Variants in MYPN observed in about 807,000 individuals in gnomAD.
MYPN encodes the protein myopalladin, also known as sarcomeric protein myopalladin, 145 kDa (MYOP).
Under a neutral mutation model 129.4 loss-of-function variants are expected in MYPN, and 63 were observed. The ratio of observed to expected loss-of-function variants is 0.49; its 90% CI spans 0.40 to 0.60. MYPN has a LOEUF of 0.60. Ranked by LOEUF, MYPN falls within the 20% of genes least tolerant of loss-of-function variation. The pLI is 0.00. For missense variants in MYPN, 1,596 were observed against 1,635.4 expected (o/e 0.98, Z 0.42); for synonymous variants, 629 against 600.9 (o/e 1.05, Z -0.68).
chr10:68,123,287 G>C (rs1005743900), intron 2 of MYPN, among the ~76,000 whole-genome samples: 7 of 152,136 alleles, frequency 4.6e-5, no homozygotes, highest in Admixed American at 2.0e-4. Flanking sequence ...CTTAGGCAGA[G>C]AGAATTTCTT....
chr10:68,150,221 G>A, intron 6 of MYPN, 110 bp downstream of exon 6: 1 of 941,392 alleles, frequency 1.1e-6, no homozygotes, highest in South Asian at 1.4e-5. Context: ...TCTTCTGTAT[G>A]TACGGTATAG....
At position 68,182,469 on chromosome 10, in the gene MYPN, T is replaced by C. The variant is rs1298878847; in HGVS notation, c.2704-6436T>C. On this transcript the variant is annotated intron_variant, in intron 12 of 19. Transcript: ENST00000358913. Reference sequence around the variant, plus strand: ...ATATATAACATATATATATAACATATATACACACACACACACACACACACA... The same window carrying C: ...ATATATAACATATATATATAACATACATACACACACACACACACACACACA... Among the ~76,000 whole-genome samples, 336 of 111,966 alleles carry C rather than the reference T, an allele frequency of 3.0e-3. 2 individuals are homozygous for C. Among genetic ancestry groups the C allele is most frequent in the Middle Eastern group, 0.024 (4 of 168 alleles). 73.5% of individuals were successfully genotyped at this position (111,966 alleles called of 152,430 possible).
intron 6 of MYPN, among the ~76,000 whole-genome samples, chr10:68,156,419 T>G (rs2042874837): frequency 6.6e-6 from 1 of 152,218 alleles, no homozygotes; most frequent in African/African-American, 2.4e-5. Context: ...AGTAGATGTT[T>G]CGGGAAGACA....
In MYPN at chr10:68,194,375, A is replaced by C. The variant is rs1214938786; in HGVS notation, c.2938A>C (p.Lys980Gln). The change falls in exon 14 of 20, where the codon AAA becomes CAA. Residue 980 changes from lysine to glutamine, a missense_variant. Lys to Gln is a moderately conservative substitution (Grantham distance 53). Coordinates refer to ENST00000358913, the MANE Select transcript of MYPN (RefSeq NM_032578.4). ...TTTTTCATTTCAGGTTTACTGGTTCAAAGATGGGAAGCAGATTTCTAAGAG... is the reference window on the plus strand; with the variant it reads ...TTTTTCATTTCAGGTTTACTGGTTCCAAGATGGGAAGCAGATTTCTAAGAG... ...GIPVPKVYWF[K>Q]DGKQISKRNE... The C allele has an allele frequency of 6.2e-7, 1 of 1,613,528 alleles. No homozygotes were observed. The highest frequency in any genetic ancestry group is 1.3e-5 in the African/African-American group (1 of 74,908).
At chr10:68,176,527 T>C (rs2043229568) in intron 12 of MYPN, among the ~76,000 whole-genome samples, 1 of 152,208 alleles carries the variant, frequency 6.6e-6, no homozygotes, top group Admixed American at 6.5e-5. Context: ...TGTCTCTTAC[T>C]TCCAGTGGAG....
intron 5 of MYPN, among the ~76,000 whole-genome samples, chr10:68,149,822 TG>T (rs1483868212): frequency 4.6e-5 from 7 of 152,014 alleles, no homozygotes; most frequent in Admixed American, 3.3e-4. Flanking sequence ...AGGGGTGGCG[TG>T]GGGATAGGCA....
At chr10:68,112,143 T>A (rs1465545798) in intron 1 of MYPN, among the ~76,000 whole-genome samples, 1 of 152,252 alleles carries the variant, frequency 6.6e-6, no homozygotes, top group Non-Finnish European at 1.5e-5. Flanking sequence ...CTCCTATGCC[T>A]ATCACTTTTG....
In MYPN at chr10:68,122,355, T is replaced by C. The variant is rs1341748670; in HGVS notation, c.902+15T>C. 1 of 1,611,646 alleles carries C rather than the reference T, an allele frequency of 6.2e-7. No individual in the cohort carries two copies. Among genetic ancestry groups the C allele is most frequent in the Non-Finnish European group, 8.5e-7 (1 of 1,179,434 alleles). On this transcript the variant is annotated intron_variant, in intron 2 of 19. Transcript: ENST00000358913. ...CCTCAAGTAAGGTAAAAATGTCCCA[T>C]TGGTAATGCTGAGTAATGTTGCTTT...
chr10:68,109,492 T>G lies in MYPN; in HGVS notation c.-233T>G. 1 of 454,124 alleles carries G rather than the reference T, an allele frequency of 2.2e-6. No individual in the cohort carries two copies. Among genetic ancestry groups the G allele is most frequent in the Non-Finnish European group, 4.4e-6 (1 of 226,792 alleles). 28.1% of individuals were successfully genotyped at this position (454,124 alleles called of 1,614,324 possible). On this transcript the variant is annotated 5_prime_UTR_variant, in exon 1 of 20. Transcript: ENST00000358913. ...TCAAAATAACTTGGGACCTGTGAGCTGACAAATGCTCTGGCTCCGGTGGTG... is the reference window on the plus strand; with the variant it reads ...TCAAAATAACTTGGGACCTGTGAGCGGACAAATGCTCTGGCTCCGGTGGTG...
At position 68,149,756 on chromosome 10, in the gene MYPN, C is replaced by T. The variant is rs2673801; in HGVS notation, c.1246-284C>T. ...GATCTGTGTAGCCCCAGGGGTTCTA[C>T]GGAGCCTCTTTGGAGGTTTAGGGTT... On this transcript the variant is annotated intron_variant, in intron 5 of 19. Transcript: ENST00000358913. Among the ~76,000 whole-genome samples the T allele has an allele frequency of 0.47, 71,822 of 151,966 alleles. 17,547 individuals carry two copies. Among genetic ancestry groups the T allele is most frequent in the African/African-American group, 0.56 (23,056 of 41,412 alleles).
chr10:68,165,395 T>C, intron 8 of MYPN: 1 of 459,960 alleles, frequency 2.2e-6, no homozygotes, highest in South Asian at 1.6e-5. Context: ...GAGGTTGCAG[T>C]GAGCCGAGAT....
At chr10:68,195,968 A>C (rs2043598203) in intron 15 of MYPN, among the ~76,000 whole-genome samples, 1 of 152,028 alleles carries the variant, frequency 6.6e-6, no homozygotes, top group Admixed American at 6.6e-5. Flanking sequence ...ATGCTGGCTC[A>C]ATTTTTCTGT....
At position 68,109,885 on chromosome 10, in the gene MYPN, T is replaced by C. The variant is rs1260863412; in HGVS notation, c.-2+162T>C. Among the ~76,000 whole-genome samples, 3 of 152,180 alleles carry C rather than the reference T, an allele frequency of 2.0e-5. No individual in the cohort carries two copies. The East Asian group carries it at 5.8e-4, about 29-fold the overall frequency. On this transcript the variant is annotated intron_variant, in intron 1 of 19. Transcript: ENST00000358913. ...ACGAAATTAAGTGAAAAATAAAGCT[T>C]TCCACATGTAAAGATTTTGGAGGGG...
rs116101808 is a variant in MYPN at position 68,148,616 on chromosome 10, G to A, written c.1245+149G>A. On this transcript the variant is annotated intron_variant, in intron 5 of 19. Transcript: ENST00000358913. ...CTTGTATTTCTGATGTTTGAGAGCA[G>A]TGGTTCCTGTTGCTTTGGGAACATA... 1,064 of 747,434 alleles carry A rather than the reference G, an allele frequency of 1.4e-3. 8 individuals carry two copies. In the African/African-American group the frequency reaches 0.016, roughly 12 times the overall value. The allele number at this position is 747,434 out of a possible 1,614,324, so 46.3% of individuals were successfully genotyped here.
chr10:68,165,015 T>C (rs1386004766), intron 8 of MYPN, among the ~76,000 whole-genome samples: 1 of 152,264 alleles, frequency 6.6e-6, no homozygotes, highest in African/African-American at 2.4e-5. Flanking sequence ...TATTAGTCCT[T>C]TAATTTCACA....
At chr10:68,143,549 C>T (rs1313103246) in intron 3 of MYPN, among the ~76,000 whole-genome samples, 2 of 151,976 alleles carry the variant, frequency 1.3e-5, no homozygotes, top group East Asian at 3.9e-4. Flanking sequence ...CCAATGTGGC[C>T]AGGGTGGAGT....
chr10:68,111,047 A>G (rs927441493), intron 1 of MYPN, among the ~76,000 whole-genome samples: 3 of 152,210 alleles, frequency 2.0e-5, no homozygotes, highest in African/African-American at 7.2e-5. Context: ...AGTCTTCCAT[A>G]TATCTACAAT....
intron 17 of MYPN, among the ~76,000 whole-genome samples, chr10:68,201,042 T>TTG (rs887460357): frequency 4.6e-5 from 7 of 152,102 alleles, no homozygotes; most frequent in Admixed American, 2.6e-4. Context: ...AAGCACAGTC[T>TTG]TGTGTGTGTG....
intron 10 of MYPN, 68 bp from the exon 11 acceptor site, chr10:68,173,998 A>C: frequency 5.5e-6 from 7 of 1,267,042 alleles, no homozygotes; most frequent in Non-Finnish European, 8.1e-6. Context: ...CTGTCTGAAC[A>C]TTGTTTGAAA....
Sources: gnomAD v4.1 joint callset for allele counts (sites outside exome capture counted in the v4.1 genomes callset) on GRCh38, gnomAD v4.1.1 for gene constraint, MANE v1.5 for transcripts, NCBI Gene and HGNC (gene_info 2026-07-23, HGNC 2026-07-21) for gene names.